The following DLG2 variants were observed in gnomAD, a reference collection of about 807,000 sequenced individuals.
The protein encoded by DLG2 is disks large homolog 2.
In DLG2, 45 loss-of-function variants were observed where a neutral mutation model predicts 132.5. The ratio of observed to expected loss-of-function variants is 0.34; its 90% CI spans 0.27 to 0.44. The LOEUF is 0.44. Ranked by LOEUF, DLG2 falls within the 20% of genes least tolerant of loss-of-function variation. DLG2 has a pLI of 1.00. For missense variants in DLG2, 1,045 were observed against 1,196.9 expected (o/e 0.87, Z 1.87); for synonymous variants, 424 against 419.6 (o/e 1.01, Z -0.13).
intron 16 of DLG2, among the ~76,000 whole-genome samples, chr11:83,841,080 T>C (rs1047320251): frequency 6.6e-6 from 1 of 152,204 alleles, no homozygotes; most frequent in African/African-American, 2.4e-5. Flanking sequence ...CTGATTAATA[T>C]AATAGCCCAC....
chr11:84,052,221 G>T (rs2096401438), intron 11 of DLG2, among the ~76,000 whole-genome samples: 1 of 151,720 alleles, frequency 6.6e-6, no homozygotes, highest in Admixed American at 6.6e-5. Flanking sequence ...AATTTATATA[G>T]AGCTAAAGAA....
At chr11:84,199,260 A>T (rs2096561821) in intron 8 of DLG2, among the ~76,000 whole-genome samples, 1 of 152,206 alleles carries the variant, frequency 6.6e-6, no homozygotes, top group African/African-American at 2.4e-5. Context: ...TGACATAAAC[A>T]AAATTGAACA....
At chr11:84,545,268 G>A (rs2099387390) in intron 6 of DLG2, 1 of 495,940 alleles carries the variant, frequency 2.0e-6, no homozygotes, top group Non-Finnish European at 4.0e-6. Context: ...CTCTCCTCAT[G>A]GGTCCAAAAT....
chr11:83,765,969 A>G (rs149452553), intron 18 of DLG2, among the ~76,000 whole-genome samples: 1 of 152,292 alleles, frequency 6.6e-6, no homozygotes, highest in East Asian at 1.9e-4. Context: ...TACAATGTCC[A>G]TTTTATTTAT....
chr11:84,104,902 T>C (rs1156510905), intron 9 of DLG2, among the ~76,000 whole-genome samples: 1 of 152,136 alleles, frequency 6.6e-6, no homozygotes, highest in East Asian at 1.9e-4. Flanking sequence ...ATGTGGTAGA[T>C]TGTATTATTC....
chr11:85,082,735 CTTTTTTT>C (rs71036458), intron 6 of DLG2, among the ~76,000 whole-genome samples: 4 of 113,412 alleles, frequency 3.5e-5, no homozygotes, highest in South Asian at 3.1e-4. Flanking sequence ...TCTTTTCTTT[CTTTTTTT>C]TTTTTTTTTT....
chr11:85,176,737 G>C (rs2079278041), intron 4 of DLG2, among the ~76,000 whole-genome samples: 2 of 151,830 alleles, frequency 1.3e-5, no homozygotes, highest in African/African-American at 4.8e-5. Context: ...AATATCTAGA[G>C]TTTACATGGA....
intron 11 of DLG2, among the ~76,000 whole-genome samples, chr11:84,023,630 T>C (rs1357800352): frequency 6.6e-6 from 1 of 152,170 alleles, no homozygotes; most frequent in East Asian, 1.9e-4. Flanking sequence ...AATAAATATA[T>C]TGGAAAACTT....
At chr11:85,523,106 G>A (rs1301131136) in intron 3 of DLG2, among the ~76,000 whole-genome samples, 3 of 152,148 alleles carry the variant, frequency 2.0e-5, no homozygotes, top group Non-Finnish European at 4.4e-5. Context: ...GACCTTGTGG[G>A]AGGTGATTGA....
intron 3 of DLG2, among the ~76,000 whole-genome samples, chr11:85,540,033 CA>C (rs2075858772): frequency 6.6e-6 from 1 of 152,168 alleles, no homozygotes; most frequent in Non-Finnish European, 1.5e-5. Flanking sequence ...GCCCACCTTT[CA>C]AAGTGCTACA....
chr11:83,898,884 A>C (rs940418751), intron 15 of DLG2, among the ~76,000 whole-genome samples: 10 of 152,224 alleles, frequency 6.6e-5, no homozygotes, highest in Non-Finnish European at 7.3e-5. Context: ...ATTCAGAAAA[A>C]ATATGACTAT....
intron 7 of DLG2, among the ~76,000 whole-genome samples, chr11:84,503,762 G>C (rs2099229678): frequency 6.6e-6 from 1 of 152,172 alleles, no homozygotes; most frequent in African/African-American, 2.4e-5. Context: ...TAAAAACCCA[G>C]ACCTACTCAA....
At chr11:83,790,384 T>C (rs1269063344) in intron 17 of DLG2, 7 of 922,648 alleles carry the variant, frequency 7.6e-6, no homozygotes, top group Admixed American at 7.5e-5. Flanking sequence ...GCAGGACTGC[T>C]AGCTTCCCTT....
intron 4 of DLG2, among the ~76,000 whole-genome samples, chr11:85,279,890 T>G (rs1216796840): frequency 3.3e-5 from 5 of 152,106 alleles, no homozygotes; most frequent in African/African-American, 1.2e-4. Flanking sequence ...GGAAGGAATT[T>G]TAAGTAACAG....
chr11:83,849,576 A>G lies in DLG2; in HGVS notation c.1566-15806T>C, dbSNP rs1357753260. 7.2e-5 allele frequency among the ~76,000 whole-genome samples: 11 copies of G among 151,892 alleles called. No homozygotes were observed. The East Asian group carries it at 1.9e-3, about 27-fold the overall frequency. ...ATGAGGGCCTGGGATAGAAAGAAATAATTTCTAGATGGGGGTCTATGGAAG... is the reference window on the plus strand; with the variant it reads ...ATGAGGGCCTGGGATAGAAAGAAATGATTTCTAGATGGGGGTCTATGGAAG... On this transcript the variant is annotated intron_variant, in intron 16 of 27. Transcript: ENST00000376104.
chr11:85,090,914 T>C (rs1477243350), intron 6 of DLG2, among the ~76,000 whole-genome samples: 1 of 152,190 alleles, frequency 6.6e-6, no homozygotes, highest in Non-Finnish European at 1.5e-5. Context: ...GCTGCTTCCA[T>C]TTATGGCAGA....
At chr11:84,191,552 T>A (rs1283813685) in intron 8 of DLG2, among the ~76,000 whole-genome samples, 1 of 152,182 alleles carries the variant, frequency 6.6e-6, no homozygotes, top group East Asian at 1.9e-4. Context: ...AGAACACATA[T>A]GTGGGAACTA....
intron 18 of DLG2, among the ~76,000 whole-genome samples, chr11:83,776,609 T>C (rs1470076030): frequency 6.6e-6 from 1 of 152,208 alleles, no homozygotes; most frequent in Non-Finnish European, 1.5e-5. Context: ...TTGTTTTTAG[T>C]AGAAATAACA....
chr11:83,932,543 G>T (rs1037919713), intron 14 of DLG2, among the ~76,000 whole-genome samples: 1 of 151,996 alleles, frequency 6.6e-6, no homozygotes, highest in Non-Finnish European at 1.5e-5. Context: ...ATATCTAATG[G>T]TTTTATTACA....
Sources: gnomAD v4.1 joint callset for allele counts (sites outside exome capture counted in the v4.1 genomes callset) on GRCh38, gnomAD v4.1.1 for gene constraint, MANE v1.5 for transcripts, NCBI Gene and HGNC (gene_info 2026-07-23, HGNC 2026-07-21) for gene names.